CLCN7: variants seen among roughly 807,000 people sequenced by gnomAD.
CLCN7 encodes Cl-/H+ antiporter 7, also known as H(+)/Cl(-) exchange transporter 7.
CLCN7 carries 60 observed loss-of-function variants against 102.1 expected under a neutral mutation model. The observed-to-expected ratio is 0.59, with a 90% confidence interval of 0.48 to 0.73. CLCN7 has a LOEUF of 0.73. Among genes scored for constraint, CLCN7 ranks in the 30% least tolerant of loss-of-function variants. CLCN7 has a pLI of 0.00. For missense variants in CLCN7, 962 were observed against 1,125.7 expected, an observed-to-expected ratio of 0.85 and a Z score of 2.08; for synonymous variants, 560 against 490.5, an observed-to-expected ratio of 1.14 and a Z score of -1.87.
At chr16:1,454,017 G>A (rs1443545543) in intron 13 of CLCN7, 123 bp from the exon 14 acceptor site, 2 of 862,774 alleles carry the variant, frequency 2.3e-6, no homozygotes, top group East Asian at 2.6e-5. Context: ...CAGGGGGCTA[G>A]GGGGTCCTGG....
Position 1,449,004 on chromosome 16 carries a change from G to A in CLCN7, c.1759C>T (p.Leu587Phe). The A allele has an allele frequency of 1.2e-6, 2 of 1,612,812 alleles. No homozygotes were observed. Among genetic ancestry groups the A allele is most frequent in the Non-Finnish European group, 1.7e-6 (2 of 1,180,004 alleles). Residue 587 changes from leucine to phenylalanine, a missense_variant, in exon 19 of 25, where the codon CTC (leucine) becomes TTC (phenylalanine). By Grantham distance (22) the Leu-to-Phe change is conservative (BLOSUM62 0). This residue lies in a region of CLCN7 where 799 missense variants were observed against 988.0 expected (regional missense o/e 0.81). Coordinates refer to ENST00000382745, the MANE Select transcript of CLCN7 (RefSeq NM_001287.6). ...VTYGFPIMLV[L>F]MTAKIVGDVF... Reference sequence around the variant, plus strand: ...TCGCCCACGATCTTGGCGGTCATGAGCACCAGCATGATGGGGAAGCCGTAG... The same window carrying A: ...TCGCCCACGATCTTGGCGGTCATGAACACCAGCATGATGGGGAAGCCGTAG...
rs547090462 is a variant in CLCN7, at chr16:1,457,527, C to T, written c.738+167G>A. 2.7e-3 allele frequency: 1,737 copies of T among 653,142 alleles called. 23 individuals carry two copies. The highest frequency in any genetic ancestry group is 3.7e-3 in the Non-Finnish European group (1,327 of 356,336). 40.5% of individuals were successfully genotyped at this position (653,142 alleles called of 1,614,324 possible). On this transcript the variant is annotated intron_variant, in intron 8 of 24. Transcript: ENST00000382745. The surrounding 1 kb of genome is among the most constrained non-coding windows in gnomAD (Gnocchi z 5.4). Reference sequence around the variant, plus strand: ...GACCGGTGCTCAGAGACACGCGTGACGCGGCCCTTCCTGGAGACCAGAAGG... The same window carrying T: ...GACCGGTGCTCAGAGACACGCGTGATGCGGCCCTTCCTGGAGACCAGAAGG...
In CLCN7 at chr16:1,455,765, G is replaced by A. The variant is rs2038825687; in HGVS notation, c.947C>T (p.Ala316Val). 1.9e-6 allele frequency: 3 copies of A among 1,613,600 alleles called. No individual in the cohort carries two copies. The highest frequency in any genetic ancestry group is 2.5e-6 in the Non-Finnish European group (3 of 1,180,024). ...GGVLFSLEEG[A>V]SFWNQFLTWR... ...GGTCAGGAACTGGTTCCAGAAGGAC[G>A]CACCCTCCTCCAAGCTGAACAGGAC... The change falls in exon 11 of 25, where the codon GCG becomes GTG. Residue 316 changes from alanine to valine, a missense_variant. Around this residue, in one of 2 missense-constraint regions of CLCN7, gnomAD observed 799 missense variants for 988.0 expected, o/e 0.81. Transcript: ENST00000382745.
Position 1,446,007 on chromosome 16 carries a change from G to A in CLCN7, c.*624C>T. ...AGTCACCCCAGTCCTCTGGGCCTGT[G>A]TACCCAAGCCGGATGCAGGCCGGGG... On this transcript the variant is annotated 3_prime_UTR_variant, in exon 25 of 25. Coordinates refer to ENST00000382745, the MANE Select transcript of CLCN7 (RefSeq NM_001287.6). 1.9e-6 allele frequency: 1 copy of A among 519,834 alleles called. No individual in the cohort carries two copies. Among genetic ancestry groups the A allele is most frequent in the Non-Finnish European group, 3.4e-6 (1 of 292,684 alleles). The allele number at this position is 519,834 out of a possible 1,614,324, so 32.2% of individuals were successfully genotyped here. A position where few individuals can be genotyped will look rare whatever the true frequency, so the allele number is the denominator to read the frequency against.
In CLCN7 at chr16:1,460,890, G is replaced by A. The variant is rs1474822482; in HGVS notation, c.410C>T (p.Thr137Met). 1.9e-6 allele frequency: 3 copies of A among 1,614,018 alleles called. No homozygotes were observed. The highest frequency in any genetic ancestry group is 2.5e-6 in the Non-Finnish European group (3 of 1,179,952). ...WVICALIGIL[T>M]GLVACFIDIV... ...GTCAATGAAGCAGGCCACGAGGCCC[G>A]TGAGGATCCCAATGAGGGCGCAGAT... The change falls in exon 5 of 25, where the codon ACG (threonine) becomes ATG (methionine). Residue 137 changes from threonine (T) to methionine (M), a missense_variant. Around this residue, in one of 2 missense-constraint regions of CLCN7, gnomAD observed 799 missense variants for 988.0 expected, o/e 0.81. Coordinates refer to ENST00000382745, the MANE Select transcript of CLCN7 (RefSeq NM_001287.6).
Position 1,457,244 on chromosome 16 carries a change from T to G in CLCN7, c.822+10A>C, listed in dbSNP as rs2038848733. The G allele has an allele frequency of 3.7e-6, 6 of 1,613,460 alleles. No homozygotes were observed. Among genetic ancestry groups the G allele is most frequent in the Non-Finnish European group, 5.1e-6 (6 of 1,179,670 alleles). ...CATCTGGAGCCCACCCACACAAGAT[T>G]TCAACTCACCTTGAAATCTCGTTTC... On this transcript the variant is annotated intron_variant, in intron 9 of 24. Coordinates refer to ENST00000382745, the MANE Select transcript of CLCN7 (RefSeq NM_001287.6). This position sits in a 1 kb window ranked among gnomAD's most constrained non-coding sequence, Gnocchi z 5.4.
chr16:1,449,029 G>A lies in CLCN7; in HGVS notation c.1734C>T (p.Thr578=). ...VIMMEATSNV[T]YGFPIMLVLM... Reference sequence around the variant, plus strand: ...GCACCAGCATGATGGGGAAGCCGTAGGTCACGTTGCTGGTGGCCTCCATCA... The same window carrying A: ...GCACCAGCATGATGGGGAAGCCGTAAGTCACGTTGCTGGTGGCCTCCATCA... Residue 578 remains threonine, a synonymous_variant, in exon 19 of 25, where the codon ACC becomes ACT. Transcript: ENST00000382745. 6.2e-7 allele frequency: 1 copy of A among 1,612,862 alleles called. No individual in the cohort carries two copies. Among genetic ancestry groups the A allele is most frequent in the Non-Finnish European group, 8.5e-7 (1 of 1,180,006 alleles).
At position 1,457,705 on chromosome 16, in the gene CLCN7, C is replaced by CCAGGCCCCCGACCACGGA. The variant is rs1294881981; in HGVS notation, c.709_726dup (p.Ser237_Leu242dup). 6.2e-7 allele frequency: 1 copy of CCAGGCCCCCGACCACGGA among 1,613,718 alleles called. No homozygotes were observed. Among genetic ancestry groups the CCAGGCCCCCGACCACGGA allele is most frequent in the Non-Finnish European group, 8.5e-7 (1 of 1,180,026 alleles). On this transcript the variant is annotated inframe_insertion, in exon 8 of 25. Transcript: ENST00000382745. This position sits in a 1 kb window ranked among gnomAD's most constrained non-coding sequence, Gnocchi z 5.4. Reference sequence around the variant, plus strand: ...GTGCACTTTGTTACCTTTCCCACGGCCAGGCCCCCGACCACGGACAGGATC... The same window carrying CCAGGCCCCCGACCACGGA: ...GTGCACTTTGTTACCTTTCCCACGGCCAGGCCCCCGACCACGGACAGGCCCCCGACCACGGACAGGATC...
rs771041846 is a variant in CLCN7 at position 1,450,707 on chromosome 16, G to C, written c.1448-41C>G. 7 of 1,333,406 alleles carry C rather than the reference G, an allele frequency of 5.2e-6. 1 individual carries two copies. The highest frequency in any genetic ancestry group is 3.2e-5 in the African/African-American group (2 of 62,356). The allele number at this position is 1,333,406 out of a possible 1,614,324, so 82.6% of individuals were successfully genotyped here. Reference sequence around the variant, plus strand: ...GGCTGACGGGGCCTCCACGACTCCCGCCTCCGCAGGACTGCCCTGCCCCGC... The same window carrying C: ...GGCTGACGGGGCCTCCACGACTCCCCCCTCCGCAGGACTGCCCTGCCCCGC... On this transcript the variant is annotated intron_variant, in intron 16 of 24. Transcript: ENST00000382745.
intron 13 of CLCN7, 24 bp downstream of exon 13, chr16:1,454,387 T>C (rs760481594): frequency 1.9e-6 from 3 of 1,610,352 alleles, no homozygotes; most frequent in South Asian, 2.2e-5. Context: ...AGGCCGTCCC[T>C]GCGGTGCTGG....
rs41292291 is a variant in CLCN7, at chr16:1,448,500, G to C, written c.1884-16C>G. 3.1e-6 allele frequency: 5 copies of C among 1,607,144 alleles called. No homozygotes were observed. The African/African-American group carries it at 5.3e-5, about 17-fold the overall frequency. ...CATCACCTCCCTGCCGGAGGAGCCC[G>C]GCCACACATGCCCGTCACACGCCAC... On this transcript the variant is annotated splice_polypyrimidine_tract_variant and intron_variant, in intron 20 of 24. Coordinates refer to ENST00000382745, the MANE Select transcript of CLCN7 (RefSeq NM_001287.6).
chr16:1,449,124 C>T, intron 18 of CLCN7, 31 bp from the exon 19 acceptor site: 1 of 1,612,406 alleles, frequency 6.2e-7, no homozygotes, highest in South Asian at 1.1e-5. Context: ...CCCAGCACGT[C>T]CACCCTCCTG....
intron 1 of CLCN7, among the ~76,000 whole-genome samples, chr16:1,465,873 C>T (rs1055040781): frequency 4.6e-5 from 7 of 152,200 alleles, no homozygotes; most frequent in African/African-American, 9.7e-5. Flanking sequence ...TAAGGCTTTG[C>T]GGCCGCCCCA....
chr16:1,470,443 C>T (rs145882256), intron 1 of CLCN7, among the ~76,000 whole-genome samples: 56 of 152,314 alleles, frequency 3.7e-4, no homozygotes, highest in African/African-American at 1.2e-3. Flanking sequence ...AGACGCTAGG[C>T]ACAGAGGATA....
intron 15 of CLCN7, chr16:1,452,040 C>T (rs768282274): frequency 4.8e-5 from 18 of 374,996 alleles, no homozygotes; most frequent in African/African-American, 1.0e-4. Flanking sequence ...TGGGCCCAGG[C>T]GCTCACATGA....
At chr16:1,455,852 A>T in intron 10 of CLCN7, 57 bp from the exon 11 acceptor site, 1 of 1,570,272 alleles carries the variant, frequency 6.4e-7, no homozygotes, top group Non-Finnish European at 8.7e-7. Flanking sequence ...CATGCCCACC[A>T]CCAACTCCCT....
rs1222788570 is a variant in CLCN7, at chr16:1,445,509, T to G, written c.*1122A>C. On this transcript the variant is annotated 3_prime_UTR_variant, in exon 25 of 25. Coordinates refer to ENST00000382745, the MANE Select transcript of CLCN7 (RefSeq NM_001287.6). ...CAGCCCCCCACGGAGGGACCCGTGT[T>G]GCTCTAACAGGGACACTGAAGTTGC... is the stretch of plus-strand genomic sequence containing the variant. The G allele has an allele frequency of 1.3e-5, 2 of 152,288 alleles. No individual in the cohort carries two copies. Among genetic ancestry groups the G allele is most frequent in the Non-Finnish European group, 2.9e-5 (2 of 68,104 alleles). The allele number at this position is 152,288 out of a possible 1,614,324, so 9.4% of individuals were successfully genotyped here. A position where few individuals can be genotyped will look rare whatever the true frequency, so the allele number is the denominator to read the frequency against.
intron 2 of CLCN7, among the ~76,000 whole-genome samples, chr16:1,462,560 G>A (rs2038952758): frequency 6.7e-6 from 1 of 149,968 alleles, no homozygotes. Flanking sequence ...ATCTTTAGTA[G>A]AGACGGGGTT....
At chr16:1,451,568 G>A (rs2038751365) in intron 16 of CLCN7, 55 bp downstream of exon 16, 1 of 1,488,028 alleles carries the variant, frequency 6.7e-7, no homozygotes, top group Non-Finnish European at 9.3e-7. Flanking sequence ...TCAGCCAGAA[G>A]GCATCACCCA....
Sources: gnomAD v4.1 joint callset for allele counts (sites outside exome capture counted in the v4.1 genomes callset) on GRCh38, gnomAD v4.1.1 for gene constraint, gnomAD v4.1.1 regional missense constraint, Gnocchi (gnomAD v3.1) non-coding constraint, MANE v1.5 for transcripts, NCBI Gene and HGNC (gene_info 2026-07-23, HGNC 2026-07-21) for gene names.